SP4: variants seen among roughly 807,000 people sequenced by gnomAD.
SP4 encodes the protein Sp4 transcription factor, also known as transcription factor Sp4.
SP4 carries 19 observed loss-of-function variants against 72.8 expected under a neutral mutation model. The ratio of observed to expected loss-of-function variants is 0.26; its 90% CI spans 0.18 to 0.38. The LOEUF (loss-of-function observed/expected upper bound fraction) is 0.38, where lower values mean the gene tolerates loss of function less well. Among genes scored for constraint, SP4 ranks in the 10% least tolerant of loss-of-function variants. The pLI is 1.00. For missense variants in SP4, 1,008 were observed against 926.3 expected (o/e 1.09, Z -1.14); for synonymous variants, 395 against 333.1 (o/e 1.19, Z -2.02).
intron 5 of SP4, among the ~76,000 whole-genome samples, chr7:21,490,274 G>A (rs1353640969): frequency 6.6e-6 from 1 of 152,198 alleles, no homozygotes; most frequent in Non-Finnish European, 1.5e-5. Context: ...CATAGCAGGT[G>A]CAGGTAGCAA....
At chr7:21,445,316 G>T (rs777562687) in intron 3 of SP4, among the ~76,000 whole-genome samples, 30 of 152,110 alleles carry the variant, frequency 2.0e-4, no homozygotes, top group Non-Finnish European at 3.4e-4. Context: ...GATGTCATTA[G>T]ATAGGAATTT....
Position 21,430,679 on chromosome 7 carries a change from C to A in SP4, c.1514C>A (p.Thr505Lys). Residue 505 changes from threonine to lysine, a missense_variant, in exon 3 of 6, where the codon ACA becomes AAA. Thr to Lys is a moderately conservative substitution (Grantham distance 78). Transcript: ENST00000222584. ...TITPVSSSGG[T>K]TLAQIAPVAV... The stretch of plus-strand genomic sequence containing the variant: ...ACCCCAGTGTCTTCAAGTGGTGGCA[C>A]AACTCTTGCTCAGATTGCTCCTGTG... 1 of 1,614,248 alleles carries A rather than the reference C, an allele frequency of 6.2e-7. No homozygotes were observed. Among genetic ancestry groups the A allele is most frequent in the Non-Finnish European group, 8.5e-7 (1 of 1,180,048 alleles).
chr7:21,508,790 A>C (rs1238435028), intron 5 of SP4, among the ~76,000 whole-genome samples: 2 of 146,560 alleles, frequency 1.4e-5, no homozygotes, highest in Non-Finnish European at 3.0e-5. Flanking sequence ...ACCTGGGGTC[A>C]GGGCCTTGTC....
At chr7:21,464,359 G>A (rs998544286) in intron 3 of SP4, among the ~76,000 whole-genome samples, 6 of 152,020 alleles carry the variant, frequency 3.9e-5, no homozygotes, top group South Asian at 4.2e-4. Context: ...GCCTCCCAAA[G>A]TGCTGGGATT....
chr7:21,429,405 G>C lies in SP4; in HGVS notation c.240G>C (p.Leu80Phe). ...QQIIIDPSQGLVQLQNQPQQL... is the reference protein window; with the variant it reads ...QQIIIDPSQGFVQLQNQPQQL... ...TTATTATAGATCCAAGTCAAGGATT[G>C]GTGCAACTTCAAAATCAACCACAAC... Residue 80 changes from leucine (L) to phenylalanine (F), a missense_variant, in exon 3 of 6, where the codon TTG becomes TTC. Around this residue, in one of 3 missense-constraint regions of SP4, gnomAD observed 893 missense variants for 743.3 expected, o/e 1.20. Transcript: ENST00000222584. 1 of 1,613,944 alleles carries C rather than the reference G, an allele frequency of 6.2e-7. No individual in the cohort carries two copies.
At chr7:21,450,533 C>T (rs1186299282) in intron 3 of SP4, among the ~76,000 whole-genome samples, 4 of 151,990 alleles carry the variant, frequency 2.6e-5, no homozygotes, top group African/African-American at 9.7e-5. Flanking sequence ...TGAGAAGTGG[C>T]TTAAAAATGG....
chr7:21,488,113 C>T (rs1784870821), intron 5 of SP4, among the ~76,000 whole-genome samples: 1 of 152,144 alleles, frequency 6.6e-6, no homozygotes, highest in Admixed American at 6.5e-5. Flanking sequence ...AATCCATCCT[C>T]CTCAGCCTCC....
intron 5 of SP4, among the ~76,000 whole-genome samples, chr7:21,500,635 C>CA (rs1205768756): frequency 6.6e-6 from 1 of 152,140 alleles, no homozygotes; most frequent in African/African-American, 2.4e-5. Flanking sequence ...TGGGAGCCTC[C>CA]AGTGTTTACA....
At chr7:21,471,203 A>G (rs1478956314) in intron 3 of SP4, 2 of 507,432 alleles carry the variant, frequency 3.9e-6, no homozygotes, top group Non-Finnish European at 4.1e-6. Context: ...TTTATGTACT[A>G]TGCTAAGAAA....
At position 21,428,188 on chromosome 7, in the gene SP4, G is replaced by GGC; in HGVS notation, c.-64_-63insGC. 1.1e-5 allele frequency: 4 copies of GGC among 371,882 alleles called. No homozygotes were observed. Among genetic ancestry groups the GGC allele is most frequent in the East Asian group, 6.6e-5 (1 of 15,050 alleles). 23.0% of individuals were successfully genotyped at this position (371,882 alleles called of 1,614,324 possible). A position where few individuals can be genotyped will look rare whatever the true frequency, so the allele number is the denominator to read the frequency against. ...CGGGACCGGCCTCTCCTCCCGCCTC[G>GGC]CCCCCACCCCCACCCACCTCTATCC... is the stretch of plus-strand genomic sequence containing the variant. On this transcript the variant is annotated 5_prime_UTR_variant, in exon 1 of 6. Coordinates refer to ENST00000222584, the MANE Select transcript of SP4 (RefSeq NM_003112.5).
chr7:21,492,670 C>G (rs1785011097), intron 5 of SP4, among the ~76,000 whole-genome samples: 1 of 152,086 alleles, frequency 6.6e-6, no homozygotes, highest in Non-Finnish European at 1.5e-5. Context: ...AAAATCTAAT[C>G]AAATCAATCA....
At chr7:21,487,985 T>C (rs1324873088) in intron 5 of SP4, among the ~76,000 whole-genome samples, 1 of 152,034 alleles carries the variant, frequency 6.6e-6, no homozygotes, top group East Asian at 1.9e-4. Context: ...CACCTCAGCC[T>C]CCCGAGTAGC....
At chr7:21,458,888 A>C (rs959081562) in intron 3 of SP4, among the ~76,000 whole-genome samples, 2 of 152,100 alleles carry the variant, frequency 1.3e-5, no homozygotes, top group African/African-American at 4.8e-5. Context: ...TGCTGTTTAG[A>C]GATGCAGCTT....
intron 5 of SP4, among the ~76,000 whole-genome samples, chr7:21,487,936 C>G (rs1378601133): frequency 1.3e-5 from 2 of 152,124 alleles, no homozygotes; most frequent in Non-Finnish European, 2.9e-5. Flanking sequence ...TCACAGCTCA[C>G]TGCAACCTCC....
Position 21,477,141 on chromosome 7 carries a change from G to A in SP4, c.1741G>A (p.Ala581Thr). Residue 581 changes from alanine to threonine, a missense_variant, in exon 4 of 6, where the codon GCA becomes ACA. Around this residue, in one of 3 missense-constraint regions of SP4, gnomAD observed 893 missense variants for 743.3 expected, o/e 1.20. Transcript: ENST00000222584. The stretch of plus-strand genomic sequence containing the variant: ...AGCTACTATAGCTCCTGTAACTGTA[G>A]CAGTTGGAGGAATTGCTAATGCCAC... ...QQATIAPVTV[A>T]VGGIANATIG... 1 of 1,614,092 alleles carries A rather than the reference G, an allele frequency of 6.2e-7. No individual in the cohort carries two copies. The highest frequency in any genetic ancestry group is 2.2e-5 in the East Asian group (1 of 44,872).
chr7:21,445,908 C>T (rs1783406960), intron 3 of SP4, among the ~76,000 whole-genome samples: 1 of 151,836 alleles, frequency 6.6e-6, no homozygotes, highest in African/African-American at 2.4e-5. Flanking sequence ...AGTGCATTCA[C>T]AATATACGAA....
intron 3 of SP4, among the ~76,000 whole-genome samples, chr7:21,458,789 C>T (rs1438908688): frequency 1.3e-5 from 2 of 152,046 alleles, no homozygotes; most frequent in African/African-American, 2.4e-5. Flanking sequence ...TCCCGCTCCC[C>T]TCCCCCCACA....
chr7:21,464,340 C>G (rs1784096199), intron 3 of SP4, among the ~76,000 whole-genome samples: 1 of 151,996 alleles, frequency 6.6e-6, no homozygotes, highest in Admixed American at 6.5e-5. Flanking sequence ...TCATGATCCG[C>G]CCACCTCGGC....
intron 3 of SP4, among the ~76,000 whole-genome samples, chr7:21,448,770 T>C (rs1202115865): frequency 6.6e-6 from 1 of 152,244 alleles, no homozygotes; most frequent in African/African-American, 2.4e-5. Flanking sequence ...TATGTGTGTA[T>C]GTTTAACATT....
Sources: allele counts gnomAD v4.1 joint callset (sites outside exome capture counted in the v4.1 genomes callset), GRCh38; gene constraint gnomAD v4.1.1; regional missense constraint gnomAD v4.1.1; transcripts MANE v1.5; gene names NCBI Gene and HGNC (gene_info 2026-07-23, HGNC 2026-07-21).